The following UBE3D variants were observed in gnomAD, a reference collection of about 807,000 sequenced individuals.
The protein encoded by UBE3D is ubiquitin protein ligase E3D, also known as E3 ubiquitin-protein ligase E3D.
Under a neutral mutation model 49.6 loss-of-function variants are expected in UBE3D, and 48 were observed. The observed-to-expected ratio is 0.97, with a 90% CI of 0.77 to 1.23. The LOEUF (loss-of-function observed/expected upper bound fraction) is 1.23. Ranked by LOEUF, UBE3D falls within the 50% of genes most tolerant of loss-of-function variation. The pLI is 0.00. For synonymous variants in UBE3D, 189 were observed against 174.2 expected, an observed-to-expected ratio of 1.08 and a Z score of -0.67; for missense variants, 452 against 468.4, an observed-to-expected ratio of 0.96 and a Z score of 0.32.
chr6:82,946,596 A>G (rs765575263), intron 9 of UBE3D, among the ~76,000 whole-genome samples: 4 of 152,186 alleles, frequency 2.6e-5, no homozygotes, highest in Non-Finnish European at 5.9e-5. Flanking sequence ...AAATAAGTAC[A>G]CAGAAAAATA....
At chr6:83,030,560 T>A (rs1207596264) in intron 5 of UBE3D, among the ~76,000 whole-genome samples, 1 of 152,182 alleles carries the variant, frequency 6.6e-6, no homozygotes, top group Non-Finnish European at 1.5e-5. Context: ...GTCTCAGGTG[T>A]GTCTTTATTA....
In UBE3D at chr6:83,007,377, C is replaced by T. The variant is rs148511965; in HGVS notation, c.1010+11596G>A. The stretch of plus-strand genomic sequence containing the variant: ...ACCACTACCAATACCAATACTAGGA[C>T]TCATGTAACTTACAAAGTGAAGAGA... On this transcript the variant is annotated intron_variant, in intron 8 of 9. Transcript: ENST00000369747. Among the ~76,000 whole-genome samples the T allele has an allele frequency of 5.5e-4, 84 of 152,220 alleles. 1 individual carries two copies. Among genetic ancestry groups the T allele is most frequent in the African/African-American group, 1.9e-3 (78 of 41,540 alleles).
At chr6:83,059,796 C>T (rs774009228) in intron 1 of UBE3D, among the ~76,000 whole-genome samples, 3 of 152,070 alleles carry the variant, frequency 2.0e-5, no homozygotes, top group Non-Finnish European at 2.9e-5. Context: ...GGTGGTGACA[C>T]AGTGGCCCAG....
intron 9 of UBE3D, among the ~76,000 whole-genome samples, chr6:82,921,903 T>C (rs1319188508): frequency 6.6e-6 from 1 of 152,126 alleles, no homozygotes; most frequent in Admixed American, 6.6e-5. Context: ...ATATATAATA[T>C]GTATAAACAA....
intron 8 of UBE3D, among the ~76,000 whole-genome samples, chr6:82,995,490 T>TCACACAAACA (rs1554199385): frequency 7.2e-6 from 1 of 138,182 alleles, no homozygotes; most frequent in Admixed American, 7.1e-5. Flanking sequence ...ATACTAACAA[T>TCACACAAACA]CACACACACA....
intron 9 of UBE3D, among the ~76,000 whole-genome samples, chr6:82,930,972 C>T (rs748581122): frequency 5.9e-5 from 9 of 152,184 alleles, no homozygotes; most frequent in African/African-American, 9.7e-5. Flanking sequence ...CATAACAGGC[C>T]TGGAGGCCTA....
At chr6:82,929,324 G>T (rs181592685) in intron 9 of UBE3D, among the ~76,000 whole-genome samples, 1 of 151,886 alleles carries the variant, frequency 6.6e-6, no homozygotes, top group Non-Finnish European at 1.5e-5. Flanking sequence ...GTGGGGAAAG[G>T]GTCACTTAAT....
At chr6:83,002,625 C>T (rs1167006523) in intron 8 of UBE3D, among the ~76,000 whole-genome samples, 2 of 152,338 alleles carry the variant, frequency 1.3e-5, no homozygotes, top group South Asian at 4.1e-4. Flanking sequence ...GCAGACGTTG[C>T]GGTGAGCCGA....
At chr6:82,882,678 T>A in the UBE3D span, among the ~76,000 whole-genome samples, 1 of 152,238 alleles carries the variant, frequency 6.6e-6, no homozygotes, top group South Asian at 2.1e-4. Flanking sequence ...ACAATGTTTT[T>A]AAGTTATCTG....
At chr6:82,883,060 C>A in the UBE3D span, among the ~76,000 whole-genome samples, 2 of 152,142 alleles carry the variant, frequency 1.3e-5, no homozygotes, top group South Asian at 4.1e-4. Flanking sequence ...TAAACCTGGT[C>A]ATTATATTCA....
At chr6:83,017,626 G>C (rs529864657) in intron 8 of UBE3D, 1 of 152,238 alleles carries the variant, frequency 6.6e-6, no homozygotes, top group Admixed American at 6.5e-5. Flanking sequence ...ATTTGGGTGA[G>C]AGTGCAGGGT....
chr6:82,895,425 G>A (rs1043534612), intron 9 of UBE3D, among the ~76,000 whole-genome samples: 5 of 152,058 alleles, frequency 3.3e-5, no homozygotes, highest in Admixed American at 1.3e-4. Context: ...AGACATTTTC[G>A]GTTGTCAACG....
chr6:82,989,594 T>C (rs2127729846), intron 8 of UBE3D, among the ~76,000 whole-genome samples: 1 of 152,248 alleles, frequency 6.6e-6, no homozygotes, highest in East Asian at 1.9e-4. Flanking sequence ...ATAATATGTA[T>C]ACAAATAGAC....
chr6:83,052,465 C>T (rs886413334), intron 3 of UBE3D, among the ~76,000 whole-genome samples: 3 of 152,092 alleles, frequency 2.0e-5, no homozygotes, highest in Non-Finnish European at 4.4e-5. Flanking sequence ...GTACCTGTCC[C>T]GTCAGCTGAA....
At chr6:82,971,435 G>A (rs2127706078) in intron 8 of UBE3D, among the ~76,000 whole-genome samples, 1 of 151,652 alleles carries the variant, frequency 6.6e-6, no homozygotes, top group East Asian at 1.9e-4. Flanking sequence ...TCTGACACTT[G>A]GCATTACTAG....
intron 9 of UBE3D, among the ~76,000 whole-genome samples, chr6:82,951,557 T>C (rs73477753): frequency 0.021 from 3,131 of 152,280 alleles, 48 homozygotes; most frequent in African/African-American, 0.037. Context: ...AATCCTTAAG[T>C]TAGGGGAGAG....
chr6:82,885,091 G>T, the UBE3D span, among the ~76,000 whole-genome samples: 4 of 152,054 alleles, frequency 2.6e-5, no homozygotes, highest in South Asian at 4.2e-4. Flanking sequence ...GAGCAAAGCT[G>T]ACTGGAGATG....
chr6:82,920,546 G>A (rs1773252437), intron 9 of UBE3D, among the ~76,000 whole-genome samples: 1 of 152,164 alleles, frequency 6.6e-6, no homozygotes, highest in South Asian at 2.1e-4. Context: ...CCTGTTCATT[G>A]TGTGACCTTG....
In UBE3D at chr6:82,963,767, G is replaced by A. The variant is rs140392533; in HGVS notation, c.1011-6317C>T. Among the ~76,000 whole-genome samples the A allele has an allele frequency of 4.6e-3, 700 of 152,042 alleles. 2 individuals carry two copies. The highest frequency in any genetic ancestry group is 6.8e-3 in the Non-Finnish European group (460 of 67,982). On this transcript the variant is annotated intron_variant, in intron 8 of 9. Coordinates refer to ENST00000369747, the MANE Select transcript of UBE3D (RefSeq NM_198920.3). Reference sequence around the variant, plus strand: ...GACACACCCTCACAGACACACCCAGGATCAACATTTTTCATCCTTCAACCC... The same window carrying A: ...GACACACCCTCACAGACACACCCAGAATCAACATTTTTCATCCTTCAACCC...
Sources: gnomAD v4.1 joint callset for allele counts (sites outside exome capture counted in the v4.1 genomes callset) on GRCh38, gnomAD v4.1.1 for gene constraint, MANE v1.5 for transcripts, NCBI Gene and HGNC (gene_info 2026-07-23, HGNC 2026-07-21) for gene names.